Variants in HECTD4 observed in about 807,000 individuals in gnomAD.
HECTD4 encodes probable E3 ubiquitin-protein ligase HECTD4.
In HECTD4, 114 loss-of-function variants were observed where a neutral mutation model predicts 471.5. That is an observed-to-expected ratio of 0.24 (90% CI 0.21 to 0.28). The LOEUF (loss-of-function observed/expected upper bound fraction) is 0.28, where lower values mean the gene tolerates loss of function less well. Among genes scored for constraint, HECTD4 ranks in the 10% least tolerant of loss-of-function variants. The pLI is 1.00. For missense variants in HECTD4, 3,866 were observed against 5,651.5 expected (o/e 0.68, Z 10.13); for synonymous variants, 2,012 against 2,256.0 (o/e 0.89, Z 3.07).
chr12:112,239,329 G>T lies in HECTD4; in HGVS notation c.5106-93C>A. The T allele has an allele frequency of 9.3e-7, 1 of 1,078,300 alleles. No individual in the cohort carries two copies. Among genetic ancestry groups the T allele is most frequent in the Non-Finnish European group, 1.3e-6 (1 of 770,340 alleles). 66.8% of individuals were successfully genotyped at this position (1,078,300 alleles called of 1,614,324 possible). On this transcript the variant is annotated intron_variant, in intron 33 of 75. Transcript: ENST00000682272. The surrounding 1 kb of genome is among the most constrained non-coding windows in gnomAD (Gnocchi z 4.9). ...GGTTCAAAGGGGCATAAAACATGCT[G>T]GTGCAGCTCTTTCCCTACAACTTAG...
Position 112,203,785 on chromosome 12 carries a change from G to C in HECTD4, c.8270-13C>G. The C allele has an allele frequency of 1.3e-6, 2 of 1,533,892 alleles. No individual in the cohort carries two copies. Among genetic ancestry groups the C allele is most frequent in the Middle Eastern group, 3.5e-4 (2 of 5,746 alleles). On this transcript the variant is annotated splice_polypyrimidine_tract_variant and intron_variant, in intron 53 of 75. Coordinates refer to ENST00000682272, the MANE Select transcript of HECTD4 (RefSeq NM_001388303.1). ...ACTACTGTGAGACCTGAGGAGTGTA[G>C]AGGGAGAAGTTTTTCAGGAAAAAGT...
chr12:112,167,671 C>A, intron 71 of HECTD4, 133 bp from the exon 72 acceptor site: 1 of 1,022,328 alleles, frequency 9.8e-7, no homozygotes, highest in Non-Finnish European at 1.5e-6. Flanking sequence ...CTTGCCCATC[C>A]AGTGAGGCAA....
rs1369197394 is a variant in HECTD4 at position 112,308,879 on chromosome 12, G to A, written c.1038C>T (p.Tyr346=). The A allele has an allele frequency of 6.5e-7, 1 of 1,535,888 alleles. No homozygotes were observed. Among genetic ancestry groups the A allele is most frequent in the Non-Finnish European group, 8.7e-7 (1 of 1,146,862 alleles). Residue 346 remains tyrosine, a synonymous_variant, in exon 6 of 76, where the codon TAC becomes TAT. Coordinates refer to ENST00000682272, the MANE Select transcript of HECTD4 (RefSeq NM_001388303.1). The part of the protein sequence containing the change: ...GLHGTLRGFV[Y]CRNEELEPGW... ...CTGGTTCCAACTCCTCGTTCCGGCA[G>A]TACACAAAACCTCTGTGGAATGAAA...
At position 112,272,402 on chromosome 12, in the gene HECTD4, T is replaced by G. The variant is rs12228104; in HGVS notation, c.1942+1253A>C. 0.056 allele frequency among the ~76,000 whole-genome samples: 8,475 copies of G among 152,242 alleles called. 1,293 individuals carry two copies. In the East Asian group the frequency reaches 0.61, roughly 11 times the overall value. On this transcript the variant is annotated intron_variant, in intron 11 of 75. Coordinates refer to ENST00000682272, the MANE Select transcript of HECTD4 (RefSeq NM_001388303.1). ...TCTTTTTCAGCCTGGCTTCCTAGGG[T>G]TCACCCCTATCTGTATTCCTTAGTG...
chr12:112,258,669 A>T, intron 19 of HECTD4, 73 bp from the exon 20 acceptor site: 3 of 1,201,318 alleles, frequency 2.5e-6, no homozygotes, highest in Non-Finnish European at 3.5e-6. Context: ...AGCCAAACTT[A>T]GAGGTCTCTC....
At chr12:112,316,954 A>G (rs897133433) in intron 2 of HECTD4, among the ~76,000 whole-genome samples, 3 of 152,220 alleles carry the variant, frequency 2.0e-5, no homozygotes, top group African/African-American at 7.2e-5. Context: ...AGTAAGTTCA[A>G]TAACTATTTT....
rs555730580 is a variant in HECTD4 at position 112,265,386 on chromosome 12, A to G, written c.2499-91T>C. The G allele has an allele frequency of 4.6e-5, 37 of 809,294 alleles. No individual in the cohort carries two copies. The South Asian group carries it at 8.5e-4, about 19-fold the overall frequency. 50.1% of individuals were successfully genotyped at this position (809,294 alleles called of 1,614,324 possible). A position where few individuals can be genotyped will look rare whatever the true frequency, so the allele number is the denominator to read the frequency against. ...ATATAATTAGTATAAGATGACAAAT[A>G]AAAGATACATAATTGATTCTTAAGC... is the stretch of plus-strand genomic sequence containing the variant. On this transcript the variant is annotated intron_variant, in intron 15 of 75. Transcript: ENST00000682272.
At position 112,290,854 on chromosome 12, in the gene HECTD4, AAAACAAAAC is replaced by A. The variant is rs1388519810; in HGVS notation, c.1336-7561_1336-7553del. On this transcript the variant is annotated intron_variant, in intron 7 of 75. Transcript: ENST00000682272. ...CAAGAGCGAAACTCCGTCTCAAAAA[AAAACAAAAC>A]AAAAAAAAAAAACAAATCACAGATA... 5.4e-5 allele frequency among the ~76,000 whole-genome samples: 8 copies of A among 147,772 alleles called. No individual in the cohort carries two copies. In the East Asian group the frequency reaches 8.2e-4, roughly 15 times the overall value.
intron 71 of HECTD4, 126 bp downstream of exon 71, chr12:112,167,688 G>A: frequency 9.5e-7 from 1 of 1,052,486 alleles, no homozygotes; most frequent in Non-Finnish European, 1.4e-6. Context: ...GCAAGGACCT[G>A]TCCCCACAGA....
At chr12:112,291,034 G>A (rs1159218516) in intron 7 of HECTD4, among the ~76,000 whole-genome samples, 1 of 151,848 alleles carries the variant, frequency 6.6e-6, no homozygotes, top group Non-Finnish European at 1.5e-5. Context: ...CTTTCACCTG[G>A]TCTGTGGCAA....
At chr12:112,282,907 T>A (rs2034674675) in intron 8 of HECTD4, among the ~76,000 whole-genome samples, 1 of 152,232 alleles carries the variant, frequency 6.6e-6, no homozygotes, top group Admixed American at 6.5e-5. Flanking sequence ...CTATTTTGCA[T>A]TCTTACAGGT....
intron 37 of HECTD4, among the ~76,000 whole-genome samples, 153 bp downstream of exon 37, chr12:112,234,924 T>C (rs1024147629): frequency 6.6e-6 from 1 of 152,218 alleles, no homozygotes; most frequent in Admixed American, 6.5e-5. Context: ...AGTTTCTTTC[T>C]GTGTCACCAC....
At chr12:112,331,521 C>T (rs1405034280) in intron 1 of HECTD4, among the ~76,000 whole-genome samples, 1 of 152,176 alleles carries the variant, frequency 6.6e-6, no homozygotes. Flanking sequence ...TCTGTATTTC[C>T]GCATCTATAA....
chr12:112,182,023 G>A (rs568721019), intron 62 of HECTD4, among the ~76,000 whole-genome samples: 104 of 152,196 alleles, frequency 6.8e-4, no homozygotes, highest in Admixed American at 1.2e-3. Context: ...AACCCAGGAG[G>A]TGGAAGTTGC....
chr12:112,273,983 T>A (rs1349739982), intron 10 of HECTD4, among the ~76,000 whole-genome samples, 188 bp from the exon 11 acceptor site: 2 of 152,280 alleles, frequency 1.3e-5, no homozygotes, highest in Non-Finnish European at 2.9e-5. Context: ...CATTTAATTT[T>A]TAATTTTGCT....
At chr12:112,305,397 C>G (rs1039960748) in intron 7 of HECTD4, among the ~76,000 whole-genome samples, 2 of 152,112 alleles carry the variant, frequency 1.3e-5, no homozygotes, top group Non-Finnish European at 2.9e-5. Context: ...ACACTTTGCA[C>G]GTGTGGTATC....
intron 49 of HECTD4, among the ~76,000 whole-genome samples, chr12:112,211,562 G>A (rs2032763352): frequency 6.6e-6 from 1 of 152,038 alleles, no homozygotes; most frequent in Admixed American, 6.6e-5. Context: ...ACGTGAACGG[G>A]CAAGAATGGG....
chr12:112,208,065 A>G (rs2032647535), intron 51 of HECTD4, 65 bp from the exon 52 acceptor site: 3 of 1,557,660 alleles, frequency 1.9e-6, no homozygotes, highest in African/African-American at 2.7e-5. Flanking sequence ...CTGTTTCCCT[A>G]ACTTACAGCC....
At chr12:112,197,468 T>C (rs908134358) in intron 55 of HECTD4, among the ~76,000 whole-genome samples, 2 of 152,234 alleles carry the variant, frequency 1.3e-5, no homozygotes, top group African/African-American at 4.8e-5. Context: ...ACTACAGGTA[T>C]GCACCACCAA....
Sources: allele counts gnomAD v4.1 joint callset (sites outside exome capture counted in the v4.1 genomes callset), GRCh38; gene constraint gnomAD v4.1.1; non-coding constraint Gnocchi (gnomAD v3.1); transcripts MANE v1.5; gene names NCBI Gene and HGNC (gene_info 2026-07-23, HGNC 2026-07-21).